The following SERP2 variants were observed in gnomAD, a reference collection of about 807,000 sequenced individuals.
SERP2 encodes stress associated endoplasmic reticulum protein family member 2, also known as stress-associated endoplasmic reticulum protein 2.
A neutral mutation model predicts 9.1 loss-of-function variants in SERP2; 6 were observed. That is an observed-to-expected ratio of 0.66 (90% CI 0.36 to 1.30). The LOEUF is 1.30. SERP2 is among the 50% of genes most tolerant of loss of function. SERP2 has a pLI of 0.03. For missense variants in SERP2, 58 were observed against 81.9 expected (o/e 0.71, Z 1.13); for synonymous variants, 37 against 27.3 (o/e 1.35, Z -1.10).
At chr13:44,377,706 A>G (rs1214968098) in intron 1 of SERP2, among the ~76,000 whole-genome samples, 4 of 152,242 alleles carry the variant, frequency 2.6e-5, no homozygotes, top group Middle Eastern at 3.2e-3. Flanking sequence ...CTCATGTAGG[A>G]GAGATACAGG....
chr13:44,391,728 G>C (rs917487752), intron 2 of SERP2, among the ~76,000 whole-genome samples: 1 of 151,958 alleles, frequency 6.6e-6, no homozygotes, highest in Non-Finnish European at 1.5e-5. Context: ...CCAGGGTTTG[G>C]GGGGAAGGTG....
At chr13:44,389,762 C>G (rs768027538) in intron 2 of SERP2, among the ~76,000 whole-genome samples, 6 of 152,122 alleles carry the variant, frequency 3.9e-5, no homozygotes, top group Non-Finnish European at 7.4e-5. Context: ...TAGAACCTCT[C>G]TAAGTCTAGA....
At chr13:44,394,536 T>G (rs1040392330) in intron 2 of SERP2, among the ~76,000 whole-genome samples, 93 of 152,354 alleles carry the variant, frequency 6.1e-4, no homozygotes, top group African/African-American at 2.2e-3. Flanking sequence ...GGGGGCTACA[T>G]GGACTAAGAC....
chr13:44,373,732 C>A (rs577181980), upstream of SERP2: 4 of 370,706 alleles, frequency 1.1e-5, no homozygotes, highest in South Asian at 1.3e-4. The surrounding 1 kb of genome is among the most constrained non-coding windows in gnomAD (Gnocchi z 4.8). Context: ...GACGTGCGGT[C>A]GCGCCTGCCT....
intron 2 of SERP2, among the ~76,000 whole-genome samples, chr13:44,386,682 C>T (rs539074444): frequency 8.5e-5 from 13 of 152,346 alleles, no homozygotes; most frequent in Admixed American, 4.6e-4. Flanking sequence ...CACACCCAGA[C>T]GGCTTTGTTA....
intron 1 of SERP2, among the ~76,000 whole-genome samples, chr13:44,375,833 C>T (rs1057510794): frequency 6.6e-5 from 10 of 152,096 alleles, no homozygotes; most frequent in African/African-American, 2.2e-4. Context: ...TTCAAGAAAA[C>T]TAGAAAATGT....
At chr13:44,381,186 A>G (rs1871948360) in intron 2 of SERP2, among the ~76,000 whole-genome samples, 1 of 147,820 alleles carries the variant, frequency 6.8e-6, no homozygotes, top group African/African-American at 2.5e-5. Flanking sequence ...GCCATGAGCC[A>G]GAGATCGCGC....
At chr13:44,375,643 A>G (rs1416731250) in intron 1 of SERP2, among the ~76,000 whole-genome samples, 1 of 152,206 alleles carries the variant, frequency 6.6e-6, no homozygotes. Context: ...CTGCTAACTG[A>G]CACAGTGAAA....
chr13:44,391,643 A>G (rs1872776781), intron 2 of SERP2, among the ~76,000 whole-genome samples: 1 of 152,186 alleles, frequency 6.6e-6, no homozygotes. Context: ...GTGGTTCTCA[A>G]AGTGTGGTCC....
At chr13:44,374,193 GCGGCGCAGGGTCCGGCCTCC>G (rs1432764795) in intron 1 of SERP2, 84 bp downstream of exon 1, 2 of 897,662 alleles carry the variant, frequency 2.2e-6, no homozygotes, top group East Asian at 6.9e-5. Flanking sequence ...CGGGCGGGTA[GCGGCGCAGGGTCCGGCCTCC>G]CGGCTCCCGG....
At chr13:44,390,464 A>T (rs1872599651) in intron 2 of SERP2, 2 of 456,628 alleles carry the variant, frequency 4.4e-6, no homozygotes, top group South Asian at 3.1e-5. Flanking sequence ...AGATGTTTAA[A>T]GGAACTGGCT....
At chr13:44,386,908 A>C (rs953438425) in intron 2 of SERP2, among the ~76,000 whole-genome samples, 1 of 152,182 alleles carries the variant, frequency 6.6e-6, no homozygotes, top group Non-Finnish European at 1.5e-5. Context: ...CAGTGCCCTC[A>C]TAAGAGACTT....
chr13:44,393,926 T>TA (rs1416028976), intron 2 of SERP2, among the ~76,000 whole-genome samples: 19 of 152,196 alleles, frequency 1.2e-4, no homozygotes, highest in African/African-American at 4.3e-4. Flanking sequence ...CTTAAAAAAA[T>TA]AGACTTTATT....
At chr13:44,387,242 G>C (rs758867960) in intron 2 of SERP2, among the ~76,000 whole-genome samples, 9 of 152,088 alleles carry the variant, frequency 5.9e-5, no homozygotes, top group Non-Finnish European at 1.2e-4. Flanking sequence ...ACTGCTGTTT[G>C]TGCCCAGAGC....
At position 44,397,359 on chromosome 13, in the gene SERP2, G is replaced by T; in HGVS notation, c.*47G>T. 3 of 1,466,768 alleles carry T rather than the reference G, an allele frequency of 2.0e-6. No individual in the cohort carries two copies. Among genetic ancestry groups the T allele is most frequent in the South Asian group, 1.1e-5 (1 of 88,178 alleles). The allele number at this position is 1,466,768 out of a possible 1,614,324, so 90.9% of individuals were successfully genotyped here. A position where few individuals can be genotyped will look rare whatever the true frequency, so the allele number is the denominator to read the frequency against. ...ACCTCCCTCCCACTGGAGGCGGGAG[G>T]ACAACGGAAGCGGTCAGCCAGTTTC... On this transcript the variant is annotated 3_prime_UTR_variant, in exon 3 of 3. Coordinates refer to ENST00000379179, the MANE Select transcript of SERP2 (RefSeq NM_001010897.3).
In SERP2 at chr13:44,374,109, G is replaced by A. The variant is rs571158773; in HGVS notation, c.84G>A (p.Leu28=). 2 of 1,564,282 alleles carry A rather than the reference G, an allele frequency of 1.3e-6. No individual in the cohort carries two copies. Among genetic ancestry groups the A allele is most frequent in the South Asian group, 2.3e-5 (2 of 86,460 alleles). Residue 28 remains leucine, a splice_region_variant and synonymous_variant, in exon 1 of 3, where the codon CTG becomes CTA. Coordinates refer to ENST00000379179, the MANE Select transcript of SERP2 (RefSeq NM_001010897.3). The part of the protein sequence containing the change: ...ITQRGNVAKT[L]RPQEEKYPVG... Reference sequence around the variant, plus strand: ...AGAGGGGGAACGTAGCCAAAACCCTGGTAAGGCGGGGTCGGCGCCGGCCAG... The same window carrying A: ...AGAGGGGGAACGTAGCCAAAACCCTAGTAAGGCGGGGTCGGCGCCGGCCAG...
intron 2 of SERP2, among the ~76,000 whole-genome samples, chr13:44,391,358 T>G (rs1321804540): frequency 2.6e-5 from 4 of 152,222 alleles, no homozygotes. Context: ...ATTTGAGGTT[T>G]TTAAAATGTA....
intron 2 of SERP2, among the ~76,000 whole-genome samples, chr13:44,394,799 A>G (rs1370877501): frequency 1.3e-5 from 2 of 152,358 alleles, no homozygotes. Context: ...ATGCTGGGAC[A>G]GGGAGAAGCA....
At chr13:44,383,576 T>G (rs1278645679) in intron 2 of SERP2, among the ~76,000 whole-genome samples, 2 of 119,440 alleles carry the variant, frequency 1.7e-5, no homozygotes, top group South Asian at 2.7e-4. Flanking sequence ...TGAGACAGAG[T>G]CTCGTTCTAT....
Sources: allele counts gnomAD v4.1 joint callset (sites outside exome capture counted in the v4.1 genomes callset), GRCh38; gene constraint gnomAD v4.1.1; non-coding constraint Gnocchi (gnomAD v3.1); transcripts MANE v1.5; gene names NCBI Gene and HGNC (gene_info 2026-07-23, HGNC 2026-07-21).